The following MIER3 variants were observed in gnomAD, a reference collection of about 807,000 sequenced individuals.
MIER3 encodes the protein MIER family member 3, also known as mesoderm induction early response protein 3.
In MIER3, 9 loss-of-function variants were observed where a neutral mutation model predicts 63.2. The ratio of observed to expected loss-of-function variants is 0.14; its 90% CI spans 0.09 to 0.25. The LOEUF is 0.25. MIER3 is among the 10% of genes least tolerant of loss of function. The pLI is 1.00. For missense variants in MIER3, 512 were observed against 666.2 expected, an observed-to-expected ratio of 0.77 and a Z score of 2.55; for synonymous variants, 205 against 224.9, an observed-to-expected ratio of 0.91 and a Z score of 0.79.
intron 3 of MIER3, among the ~76,000 whole-genome samples, chr5:56,943,190 G>A (rs1489767748): frequency 2.6e-5 from 4 of 152,088 alleles, no homozygotes; most frequent in Admixed American, 2.6e-4. Context: ...AAGAAGCCAA[G>A]CTAAAGACTG....
In MIER3 at chr5:56,922,772, G is replaced by A. The variant is rs979894086; in HGVS notation, c.*356C>T. On this transcript the variant is annotated 3_prime_UTR_variant, in exon 13 of 13. Coordinates refer to ENST00000381199, the MANE Select transcript of MIER3 (RefSeq NM_001297599.2). ...ACATCTGTGCTGGTTTTGAGCTGGT[G>A]GCCTCTGTCTACAGGTTTTAAAATT... 2 of 234,240 alleles carry A rather than the reference G, an allele frequency of 8.5e-6. No homozygotes were observed. Among genetic ancestry groups the A allele is most frequent in the Non-Finnish European group, 1.7e-5 (2 of 117,566 alleles). 14.5% of individuals were successfully genotyped at this position (234,240 alleles called of 1,614,324 possible).
rs533885142 is a variant in MIER3 at position 56,922,079 on chromosome 5, A to G, written c.*1049T>C. 2.0e-5 allele frequency: 3 copies of G among 152,658 alleles called. No homozygotes were observed. Among genetic ancestry groups the G allele is most frequent in the African/African-American group, 7.2e-5 (3 of 41,460 alleles). 9.5% of individuals were successfully genotyped at this position (152,658 alleles called of 1,614,324 possible). A position where few individuals can be genotyped will look rare whatever the true frequency, so the allele number is the denominator to read the frequency against. On this transcript the variant is annotated 3_prime_UTR_variant, in exon 13 of 13. Coordinates refer to ENST00000381199, the MANE Select transcript of MIER3 (RefSeq NM_001297599.2). ...TCAAGCTTAACAAAAAAGCTTAAAT[A>G]TACTTCAAGGTTCTACTGCATTAGG...
rs914050489 is a variant in MIER3 at position 56,952,019 on chromosome 5, G to A, written c.9+75C>T. ...GCGGAAAGAGCCCCGGATCCCCCAG[G>A]CTGGCTCGGGGGTCGCGGGGAGCCG... On this transcript the variant is annotated intron_variant, in intron 1 of 12. Transcript: ENST00000381199. 43 of 1,213,484 alleles carry A rather than the reference G, an allele frequency of 3.5e-5. No homozygotes were observed. The African/African-American group carries it at 4.7e-4, about 13-fold the overall frequency. The allele number at this position is 1,213,484 out of a possible 1,614,324, so 75.2% of individuals were successfully genotyped here.
At chr5:56,950,477 C>T (rs1750981451) in intron 2 of MIER3, 151 bp downstream of exon 2, 1 of 808,574 alleles carries the variant, frequency 1.2e-6, no homozygotes, top group Non-Finnish European at 2.0e-6. Flanking sequence ...CTGTTTCTTC[C>T]CCAAACTTTA....
intron 5 of MIER3, 152 bp downstream of exon 5, chr5:56,937,426 A>G (rs1750485148): frequency 1.2e-6 from 1 of 818,546 alleles, no homozygotes; most frequent in Non-Finnish European, 1.7e-6. Context: ...ATCCCAAAAG[A>G]AAGGTTATAA....
At chr5:56,933,849 A>G (rs1476468170) in intron 7 of MIER3, among the ~76,000 whole-genome samples, 1 of 152,162 alleles carries the variant, frequency 6.6e-6, no homozygotes, top group Admixed American at 6.5e-5. Flanking sequence ...TCTGGTAATA[A>G]GGAAATACCT....
chr5:56,937,203 G>A (rs1373334591), intron 5 of MIER3, among the ~76,000 whole-genome samples: 2 of 151,952 alleles, frequency 1.3e-5, no homozygotes, highest in Admixed American at 6.6e-5. Context: ...AGCCTCCCAA[G>A]TAGCTGGGAT....
chr5:56,946,731 C>T (rs1385212124), intron 3 of MIER3, among the ~76,000 whole-genome samples, 195 bp downstream of exon 3: 1 of 151,188 alleles, frequency 6.6e-6, no homozygotes, highest in Non-Finnish European at 1.5e-5. Context: ...TTGATATAAG[C>T]TTAAAAATTA....
chr5:56,933,130 T>C (rs1011907456), intron 8 of MIER3, 117 bp downstream of exon 8: 1 of 1,146,826 alleles, frequency 8.7e-7, no homozygotes, highest in Admixed American at 2.9e-5. Context: ...TTTGCATATT[T>C]TAAAACTCTT....
At chr5:56,938,216 C>T (rs1275525903) in intron 4 of MIER3, 2 of 469,628 alleles carry the variant, frequency 4.3e-6, no homozygotes, top group Admixed American at 4.7e-5. Flanking sequence ...TCAATAAATA[C>T]TTGTTGAATG....
intron 2 of MIER3, among the ~76,000 whole-genome samples, chr5:56,948,892 A>G (rs773662209): frequency 6.6e-6 from 1 of 152,052 alleles, no homozygotes; most frequent in Non-Finnish European, 1.5e-5. Context: ...CCCCTTTAAC[A>G]TGGAAGGTAT....
intron 3 of MIER3, among the ~76,000 whole-genome samples, chr5:56,944,637 T>C (rs1750765950): frequency 6.6e-6 from 1 of 152,246 alleles, no homozygotes; most frequent in Non-Finnish European, 1.5e-5. Flanking sequence ...AACGCCTGTC[T>C]GATACCTTAA....
intron 2 of MIER3, chr5:56,947,291 T>C: frequency 2.2e-6 from 1 of 446,794 alleles, no homozygotes; most frequent in Non-Finnish European, 3.8e-6. Context: ...CAAACACTTT[T>C]ATAAGGGGTT....
chr5:56,952,200 C>G (rs1254460678), upstream of MIER3: 12 of 1,028,218 alleles, frequency 1.2e-5, no homozygotes, highest in African/African-American at 1.7e-5. Context: ...GCGGTCCGCC[C>G]GGCACCCGCC....
Position 56,938,951 on chromosome 5 carries a change from C to T in MIER3, c.247G>A (p.Ala83Thr), listed in dbSNP as rs1373463598. The T allele has an allele frequency of 6.2e-7, 1 of 1,614,168 alleles. No homozygotes were observed. Among genetic ancestry groups the T allele is most frequent in the South Asian group, 1.1e-5 (1 of 91,084 alleles). Residue 83 changes from alanine to threonine, a missense_variant, in exon 4 of 13, where the codon GCA (alanine) becomes ACA (threonine). By Grantham distance (58) the Ala-to-Thr change is moderately conservative (BLOSUM62 0). Around this residue, in one of 5 missense-constraint regions of MIER3, gnomAD observed 98 missense variants for 107.4 expected, o/e 0.91. Transcript: ENST00000381199. ...GGGGAACTATTTGCACTGGAATTTG[C>T]AACTGCTGGAATTGTAGGTTCATAG... The part of the protein sequence containing the change: ...YGYEPTIPAV[A>T]NSSANSSPSE...
At chr5:56,940,229 G>A (rs1434328590) in intron 3 of MIER3, among the ~76,000 whole-genome samples, 3 of 152,250 alleles carry the variant, frequency 2.0e-5, no homozygotes, top group East Asian at 3.9e-4. Context: ...ATATACTCAC[G>A]AACTAGTTAA....
Position 56,930,719 on chromosome 5 carries a change from G to C in MIER3, c.774C>G (p.Asn258Lys). 1 of 1,613,614 alleles carries C rather than the reference G, an allele frequency of 6.2e-7. No homozygotes were observed. The highest frequency in any genetic ancestry group is 8.5e-7 in the Non-Finnish European group (1 of 1,179,726). The change falls in exon 9 of 13, where the codon AAC becomes AAG. Residue 258 changes from asparagine (N) to lysine (K), a missense_variant. Around this residue, in one of 5 missense-constraint regions of MIER3, gnomAD observed 118 missense variants for 133.6 expected, o/e 0.88. Transcript: ENST00000381199. ...EQALYELLKCNHNIKEAIERY... is the reference protein window; with the variant it reads ...EQALYELLKCKHNIKEAIERY... ...TTTCGATTGCTTCCTTTATATTGTGGTTACACTTGAGAAGTTCATATAATG... is the reference window on the plus strand; with the variant it reads ...TTTCGATTGCTTCCTTTATATTGTGCTTACACTTGAGAAGTTCATATAATG...
chr5:56,935,803 G>T, intron 5 of MIER3, 52 bp from the exon 6 acceptor site: 1 of 1,346,202 alleles, frequency 7.4e-7, no homozygotes, highest in Non-Finnish European at 1.1e-6. Context: ...TGCAGAACCT[G>T]GAAGAATGCC....
intron 2 of MIER3, 86 bp downstream of exon 2, chr5:56,950,541 AT>A: frequency 7.2e-7 from 1 of 1,392,600 alleles, no homozygotes; most frequent in Non-Finnish European, 1.0e-6. Flanking sequence ...TGCAGGATAC[AT>A]TTCTATTGGG....
Sources: allele counts gnomAD v4.1 joint callset (sites outside exome capture counted in the v4.1 genomes callset), GRCh38; gene constraint gnomAD v4.1.1; regional missense constraint gnomAD v4.1.1; transcripts MANE v1.5; gene names NCBI Gene and HGNC (gene_info 2026-07-23, HGNC 2026-07-21).